The following EIF4E variants were observed in gnomAD, a reference collection of about 807,000 sequenced individuals.
EIF4E encodes the protein eIF-4F 25 kDa subunit.
For missense variants in EIF4E, 113 were observed against 265.6 expected (o/e 0.43, Z 3.99); for synonymous variants, 71 against 88.5 (o/e 0.80, Z 1.11).
intron 2 of EIF4E, chr4:98,895,194 C>G (rs1463351804): frequency 6.6e-6 from 1 of 152,166 alleles, no homozygotes; most frequent in Non-Finnish European, 1.5e-5. Flanking sequence ...AAATGTGACA[C>G]AGAGACACCA....
At chr4:98,907,225 T>G (rs573293686) in intron 1 of EIF4E, among the ~76,000 whole-genome samples, 1 of 152,302 alleles carries the variant, frequency 6.6e-6, no homozygotes, top group East Asian at 1.9e-4. Context: ...AGAACAATAA[T>G]GATTAATGCA....
intron 1 of EIF4E, among the ~76,000 whole-genome samples, chr4:98,914,064 TAA>T (rs796734767): frequency 5.1e-5 from 7 of 138,220 alleles, no homozygotes; most frequent in African/African-American, 5.3e-5. Context: ...AATGAGCACT[TAA>T]AAAAAAAAAA....
At chr4:98,919,825 C>T (rs1725569786) in intron 1 of EIF4E, among the ~76,000 whole-genome samples, 1 of 152,154 alleles carries the variant, frequency 6.6e-6, no homozygotes, top group African/African-American at 2.4e-5. Context: ...TCCCCAAGTG[C>T]TGGGATTACA....
chr4:98,907,008 T>C (rs1292312061), intron 1 of EIF4E, among the ~76,000 whole-genome samples: 2 of 152,220 alleles, frequency 1.3e-5, no homozygotes, highest in Non-Finnish European at 2.9e-5. Context: ...AGGGTTGCTT[T>C]TTATAAAGTA....
intron 1 of EIF4E, among the ~76,000 whole-genome samples, chr4:98,911,199 C>T (rs1725112307): frequency 6.6e-6 from 1 of 151,722 alleles, no homozygotes; most frequent in Non-Finnish European, 1.5e-5. Context: ...CAGGCGCCTG[C>T]CACCACGCCC....
intron 2 of EIF4E, among the ~76,000 whole-genome samples, chr4:98,897,503 T>C (rs777504264): frequency 4.0e-5 from 6 of 151,844 alleles, no homozygotes; most frequent in Non-Finnish European, 8.8e-5. Context: ...GAGGCGGAGG[T>C]TGCAGTGAGC....
intron 1 of EIF4E, among the ~76,000 whole-genome samples, chr4:98,919,446 T>C (rs1725552497): frequency 1.3e-5 from 2 of 151,794 alleles, no homozygotes; most frequent in Non-Finnish European, 1.5e-5. Flanking sequence ...TTTTCTAGGA[T>C]AGAATCATGT....
intron 1 of EIF4E, among the ~76,000 whole-genome samples, chr4:98,914,740 C>G (rs1725305938): frequency 6.6e-6 from 1 of 152,108 alleles, no homozygotes; most frequent in African/African-American, 2.4e-5. Context: ...ACAGACTGTA[C>G]AACATCAGGA....
chr4:98,903,629 A>T (rs184043648), intron 1 of EIF4E, among the ~76,000 whole-genome samples: 137 of 152,284 alleles, frequency 9.0e-4, no homozygotes, highest in Non-Finnish European at 1.1e-3. Flanking sequence ...TCTTATCAAC[A>T]TATGACATGT....
intron 1 of EIF4E, among the ~76,000 whole-genome samples, chr4:98,925,426 T>C (rs921815199): frequency 2.0e-5 from 3 of 152,214 alleles, no homozygotes; most frequent in African/African-American, 7.2e-5. Flanking sequence ...CACAGACTAA[T>C]ATTAAACCTA....
intron 1 of EIF4E, among the ~76,000 whole-genome samples, chr4:98,914,318 G>A (rs147236142): frequency 1.6e-5 from 2 of 124,738 alleles, no homozygotes; most frequent in East Asian, 2.7e-4. Flanking sequence ...ACCTGAGACC[G>A]TGCCACTGCA....
chr4:98,905,861 T>A (rs1391054493), intron 1 of EIF4E, among the ~76,000 whole-genome samples: 1 of 152,228 alleles, frequency 6.6e-6, no homozygotes, highest in African/African-American at 2.4e-5. Flanking sequence ...GGTAGCTTTT[T>A]ACTACATTCT....
chr4:98,900,189 G>A (rs973066619), intron 2 of EIF4E, among the ~76,000 whole-genome samples: 7 of 151,966 alleles, frequency 4.6e-5, no homozygotes, highest in Non-Finnish European at 8.8e-5. Flanking sequence ...GGGTTTTGGT[G>A]CTACTATTAG....
chr4:98,903,954 T>C (rs1475495495), intron 1 of EIF4E, among the ~76,000 whole-genome samples: 1 of 152,130 alleles, frequency 6.6e-6, no homozygotes. Flanking sequence ...GGAGTCTCGA[T>C]GAAAACAATG....
intron 1 of EIF4E, among the ~76,000 whole-genome samples, chr4:98,919,473 C>T (rs746426575): frequency 1.3e-5 from 2 of 151,412 alleles, no homozygotes; most frequent in African/African-American, 4.8e-5. Context: ...CCAAACTGGA[C>T]ATATCCAGTT....
intron 2 of EIF4E, among the ~76,000 whole-genome samples, chr4:98,893,931 G>C (rs1724257818): frequency 6.6e-6 from 1 of 152,210 alleles, no homozygotes; most frequent in Non-Finnish European, 1.5e-5. Flanking sequence ...AATAAGGCTT[G>C]AAAGTCAAAA....
chr4:98,891,415 G>T, intron 2 of EIF4E, 83 bp from the exon 3 acceptor site: 1 of 1,193,804 alleles, frequency 8.4e-7, no homozygotes, highest in Non-Finnish European at 1.2e-6. Flanking sequence ...TCAAAAGGTA[G>T]AAGCAACCCA....
At chr4:98,911,755 A>G (rs1725151111) in intron 1 of EIF4E, among the ~76,000 whole-genome samples, 1 of 151,614 alleles carries the variant, frequency 6.6e-6, no homozygotes, top group African/African-American at 2.4e-5. Flanking sequence ...AGGGAGCACT[A>G]ACATGTACCT....
intron 1 of EIF4E, 68 bp from the exon 2 acceptor site, chr4:98,902,050 T>C (rs1724674864): frequency 1.4e-6 from 2 of 1,434,226 alleles, no homozygotes; most frequent in South Asian, 1.2e-5. Context: ...ATATTCTAAC[T>C]AAACCTGAAC....
Sources: allele counts gnomAD v4.1 joint callset (sites outside exome capture counted in the v4.1 genomes callset), GRCh38; gene constraint gnomAD v4.1.1; transcripts MANE v1.5; gene names NCBI Gene and HGNC (gene_info 2026-07-23, HGNC 2026-07-21).